Variants in EPHA5 observed in about 807,000 individuals in gnomAD.
The protein encoded by EPHA5 is ephrin type-A receptor 5.
In EPHA5, 60 loss-of-function variants were observed where a neutral mutation model predicts 105.0. The observed-to-expected ratio is 0.57, with a 90% CI of 0.46 to 0.71. The LOEUF (loss-of-function observed/expected upper bound fraction) is 0.71. Among genes scored for constraint, EPHA5 ranks in the 30% least tolerant of loss-of-function variants. The pLI is 0.00. For synonymous variants in EPHA5, 513 were observed against 449.1 expected (o/e 1.14, Z -1.80); for missense variants, 1,218 against 1,274.7 (o/e 0.96, Z 0.68).
In EPHA5 at chr4:65,490,605, A is replaced by G. The variant is rs1731311096; in HGVS notation, c.1174T>C (p.Tyr392His). Residue 392 changes from tyrosine to histidine, a missense_variant, in exon 5 of 17, where the codon TAT becomes CAT. Physicochemically the swap from Tyr to His is moderately conservative, Grantham distance 83. Transcript: ENST00000613740. ...GAGTTGCACTTCTTGCATGCAATATAATATGACACGTCTTTCCTTCCACCA... is the reference window on the plus strand; with the variant it reads ...GAGTTGCACTTCTTGCATGCAATATGATATGACACGTCTTTCCTTCCACCA... ...DTGGRKDVSY[Y>H]IACKKCNSHA... The G allele has an allele frequency of 6.2e-7, 1 of 1,614,026 alleles. No homozygotes were observed. Among genetic ancestry groups the G allele is most frequent in the African/African-American group, 1.3e-5 (1 of 74,918 alleles).
chr4:65,410,693 A>G (rs991392694), intron 7 of EPHA5, among the ~76,000 whole-genome samples: 1 of 152,196 alleles, frequency 6.6e-6, no homozygotes, highest in Non-Finnish European at 1.5e-5. Flanking sequence ...CATGGTGAAA[A>G]CTAGGTAAAG....
At chr4:65,459,229 A>G (rs1727899882) in intron 5 of EPHA5, among the ~76,000 whole-genome samples, 2 of 152,032 alleles carry the variant, frequency 1.3e-5, no homozygotes, top group African/African-American at 4.8e-5. Context: ...GGTAAGTAAC[A>G]CATCTTAATA....
intron 2 of EPHA5, among the ~76,000 whole-genome samples, chr4:65,617,852 G>T (rs894663341): frequency 2.0e-5 from 3 of 152,038 alleles, no homozygotes; most frequent in Non-Finnish European, 4.4e-5. Flanking sequence ...TTATCACTAG[G>T]AAGTGACAGT....
chr4:65,336,116 C>T lies in EPHA5; in HGVS notation c.2605G>A (p.Ala869Thr). 5.0e-6 allele frequency: 8 copies of T among 1,609,864 alleles called. No homozygotes were observed. Among genetic ancestry groups the T allele is most frequent in the Non-Finnish European group, 6.8e-6 (8 of 1,177,864 alleles). ...GGCAGACGATAGCCTTCCTCTACCG[C>T]TTTAATCACCTGTATAAAGCAAAAC... ...WEMTNQDVIK[A>T]VEEGYRLPSP... Residue 869 changes from alanine to threonine, a missense_variant, in exon 15 of 17, where the codon GCG becomes ACG. Ala to Thr is a moderately conservative substitution (Grantham distance 58). This residue lies in a region of EPHA5 where 971 missense variants were observed against 1,013.5 expected (regional missense o/e 0.96). Coordinates refer to ENST00000613740, the MANE Select transcript of EPHA5 (RefSeq NM_001281766.3).
At chr4:65,577,538 C>G (rs990340113) in intron 3 of EPHA5, among the ~76,000 whole-genome samples, 12 of 152,020 alleles carry the variant, frequency 7.9e-5, no homozygotes, top group African/African-American at 2.9e-4. Flanking sequence ...ACAGGAAAAA[C>G]CATTCCAAGT....
chr4:65,491,620 T>G (rs1280524978), intron 4 of EPHA5, among the ~76,000 whole-genome samples: 3 of 152,072 alleles, frequency 2.0e-5, no homozygotes, highest in Non-Finnish European at 4.4e-5. Flanking sequence ...GTACACTTTA[T>G]TTTTTGTATA....
At chr4:65,515,960 C>T (rs1734068813) in intron 3 of EPHA5, among the ~76,000 whole-genome samples, 1 of 152,158 alleles carries the variant, frequency 6.6e-6, no homozygotes, top group Non-Finnish European at 1.5e-5. Context: ...GACATCAGAG[C>T]TCTTTGTTCT....
chr4:65,645,338 G>A (rs1451655846), intron 1 of EPHA5, among the ~76,000 whole-genome samples: 3 of 151,992 alleles, frequency 2.0e-5, no homozygotes, highest in African/African-American at 4.8e-5. Flanking sequence ...TTTATATTGA[G>A]CAGCAGCATA....
chr4:65,659,921 T>A (rs1333856479), intron 1 of EPHA5, among the ~76,000 whole-genome samples: 1 of 152,138 alleles, frequency 6.6e-6, no homozygotes, highest in East Asian at 1.9e-4. Context: ...CATCTACATA[T>A]TTCAAACTAA....
intron 14 of EPHA5, among the ~76,000 whole-genome samples, chr4:65,341,360 G>T (rs1460607933): frequency 6.6e-6 from 1 of 151,964 alleles, no homozygotes; most frequent in East Asian, 1.9e-4. Flanking sequence ...ATGAAAACCT[G>T]TGGTCTTTCC....
At chr4:65,432,726 C>G (rs1247239302) in intron 5 of EPHA5, among the ~76,000 whole-genome samples, 7 of 151,960 alleles carry the variant, frequency 4.6e-5, no homozygotes, top group African/African-American at 7.2e-5. Flanking sequence ...CAGTGCTACA[C>G]CCAGCTAGTT....
intron 2 of EPHA5, among the ~76,000 whole-genome samples, chr4:65,625,038 A>C (rs1746012233): frequency 6.6e-6 from 1 of 152,206 alleles, no homozygotes; most frequent in Non-Finnish European, 1.5e-5. Context: ...TGAACACCTC[A>C]GATTTCAGTG....
chr4:65,331,287 T>A (rs1482131879), intron 16 of EPHA5: 2 of 1,031,020 alleles, frequency 1.9e-6, no homozygotes, highest in Non-Finnish European at 2.3e-6. Context: ...ACAGAGTATA[T>A]AATAAAATAC....
At chr4:65,628,171 C>A (rs536605907) in intron 2 of EPHA5, among the ~76,000 whole-genome samples, 15 of 152,210 alleles carry the variant, frequency 9.9e-5, no homozygotes, top group African/African-American at 3.6e-4. Context: ...AGAATCCCAA[C>A]TATAAAATCC....
intron 5 of EPHA5, among the ~76,000 whole-genome samples, chr4:65,428,601 G>A (rs938612615): frequency 1.3e-5 from 2 of 152,030 alleles, no homozygotes; most frequent in African/African-American, 2.4e-5. Context: ...GGCCTTAAAT[G>A]TCAGTAGTTC....
chr4:65,338,374 G>A (rs1721383452), intron 14 of EPHA5, among the ~76,000 whole-genome samples: 2 of 152,020 alleles, frequency 1.3e-5, no homozygotes, highest in Admixed American at 6.6e-5. Flanking sequence ...TATACAGTGA[G>A]AATAGTAATT....
chr4:65,490,288 A>G (rs961419095), intron 5 of EPHA5, 89 bp downstream of exon 5: 7 of 1,299,734 alleles, frequency 5.4e-6, no homozygotes, highest in Non-Finnish European at 6.4e-6. Flanking sequence ...AAATTCTCAC[A>G]CAGATTTCAG....
chr4:65,335,511 G>C (rs2349722), intron 15 of EPHA5, among the ~76,000 whole-genome samples: 1 of 151,820 alleles, frequency 6.6e-6, no homozygotes, highest in Admixed American at 6.6e-5. Context: ...ATACTAAAAT[G>C]TATTCTAAAT....
intron 8 of EPHA5, among the ~76,000 whole-genome samples, chr4:65,386,249 T>C (rs1434149624): frequency 1.3e-5 from 2 of 151,890 alleles, no homozygotes; most frequent in Non-Finnish European, 2.9e-5. Context: ...TGACTGTACT[T>C]TTTGCTTATA....
Sources: allele counts gnomAD v4.1 joint callset (sites outside exome capture counted in the v4.1 genomes callset), GRCh38; gene constraint gnomAD v4.1.1; regional missense constraint gnomAD v4.1.1; transcripts MANE v1.5; gene names NCBI Gene and HGNC (gene_info 2026-07-23, HGNC 2026-07-21).